The following CNTN6 variants were observed in gnomAD, a reference collection of about 807,000 sequenced individuals.
CNTN6 encodes contactin-6.
Under a neutral mutation model 122.8 loss-of-function variants are expected in CNTN6, and 137 were observed. The observed-to-expected ratio is 1.12, with a 90% CI of 0.97 to 1.29. The LOEUF (loss-of-function observed/expected upper bound fraction) is 1.29. Ranked by LOEUF, CNTN6 falls within the 50% of genes most tolerant of loss-of-function variation. The probability of loss-of-function intolerance (pLI) is 0.00; values close to 1 mark genes in which losing one functional copy is unlikely to be tolerated. For missense variants in CNTN6, 1,634 were observed against 1,223.4 expected (o/e 1.34, Z -5.01); for synonymous variants, 570 against 426.0 (o/e 1.34, Z -4.16).
chr3:1,311,769 C>G (rs1303131895), intron 7 of CNTN6, among the ~76,000 whole-genome samples: 1 of 151,646 alleles, frequency 6.6e-6, no homozygotes, highest in African/African-American at 2.4e-5. Flanking sequence ...TAGTATAATA[C>G]ACTGCATATT....
chr3:1,352,039 A>G (rs1705721964), intron 11 of CNTN6, among the ~76,000 whole-genome samples: 1 of 151,930 alleles, frequency 6.6e-6, no homozygotes. Context: ...ACATTATACT[A>G]CCAAGCACTG....
intron 1 of CNTN6, among the ~76,000 whole-genome samples, chr3:1,137,436 T>G (rs1259078929): frequency 6.6e-6 from 1 of 152,228 alleles, no homozygotes; most frequent in Non-Finnish European, 1.5e-5. Context: ...TCTGTTAGAC[T>G]ACCAGTTGAT....
chr3:1,172,401 C>G (rs1225180650), intron 2 of CNTN6, among the ~76,000 whole-genome samples: 1 of 152,170 alleles, frequency 6.6e-6, no homozygotes, highest in Non-Finnish European at 1.5e-5. Flanking sequence ...AAACACCTAC[C>G]ATGTGCCAGC....
rs781408378 is a variant in CNTN6, at chr3:1,383,324, C to G, written c.2433C>G (p.Leu811=). The G allele has an allele frequency of 1.2e-6, 2 of 1,613,978 alleles. No homozygotes were observed. Among genetic ancestry groups the G allele is most frequent in the South Asian group, 1.1e-5 (1 of 91,070 alleles). ...EPQLAPRGTS[L]QSFSASEMEV... ...AACTGGCCCCAAGGGGAACTTCTCT[C>G]CAGAGTTTTTCTGCTTCTGAAATGG... The change falls in exon 19 of 23, where the codon CTC becomes CTG. Residue 811 remains leucine (L), a synonymous_variant. Coordinates refer to ENST00000446702, the MANE Select transcript of CNTN6 (RefSeq NM_001289080.2).
At chr3:1,317,374 A>T (rs555553658) in intron 7 of CNTN6, among the ~76,000 whole-genome samples, 11 of 151,742 alleles carry the variant, frequency 7.2e-5, no homozygotes, top group South Asian at 2.1e-4. Context: ...TTCAGAATCT[A>T]TTTGTCAGGT....
intron 1 of CNTN6, among the ~76,000 whole-genome samples, chr3:1,102,815 A>G (rs1213900572): frequency 2.0e-5 from 3 of 149,542 alleles, no homozygotes; most frequent in Non-Finnish European, 4.5e-5. Flanking sequence ...TTTATACAAA[A>G]TTAATGTCCA....
At chr3:1,152,678 A>G (rs2092873566) in intron 2 of CNTN6, among the ~76,000 whole-genome samples, 2 of 152,200 alleles carry the variant, frequency 1.3e-5, no homozygotes, top group African/African-American at 4.8e-5. Context: ...TTTGAAAAAT[A>G]TTAGACAGAT....
rs141813098 is a variant in CNTN6, at chr3:1,266,400, G to T, written c.359-12013G>T. Among the ~76,000 whole-genome samples the T allele has an allele frequency of 9.1e-3, 1,384 of 152,230 alleles. 10 individuals are homozygous for T. The highest frequency in any genetic ancestry group is 0.014 in the Non-Finnish European group (981 of 68,014). ...GCAGTCACTCTCCCGAATTCCAGTTGTGGAAGTTCTTGCAAACCGAAACCA... is the reference window on the plus strand; with the variant it reads ...GCAGTCACTCTCCCGAATTCCAGTTTTGGAAGTTCTTGCAAACCGAAACCA... On this transcript the variant is annotated intron_variant, in intron 4 of 22. Transcript: ENST00000446702.
rs2090328730 is a variant in CNTN6, at chr3:1,093,107, G to A, written c.-96G>A. On this transcript the variant is annotated 5_prime_UTR_variant, in exon 1 of 23. Transcript: ENST00000446702. ...TCTGCAGAAAAACTGTAAAGATCCC[G>A]AGACATTTCCCTGGTAAGATCTGTA... is the stretch of plus-strand genomic sequence containing the variant. The A allele has an allele frequency of 6.9e-6, 2 of 291,034 alleles. No homozygotes were observed. Among genetic ancestry groups the A allele is most frequent in the Non-Finnish European group, 1.4e-5 (2 of 146,376 alleles). 18.0% of individuals were successfully genotyped at this position (291,034 alleles called of 1,614,324 possible). A position where few individuals can be genotyped will look rare whatever the true frequency, so the allele number is the denominator to read the frequency against.
At chr3:1,256,141 G>A (rs374064148) in intron 4 of CNTN6, among the ~76,000 whole-genome samples, 23 of 152,156 alleles carry the variant, frequency 1.5e-4, no homozygotes, top group African/African-American at 4.6e-4. Flanking sequence ...AAAGTGCTGC[G>A]ATTACAGGCA....
chr3:1,298,222 A>G, intron 7 of CNTN6: 2 of 441,234 alleles, frequency 4.5e-6, no homozygotes, highest in Non-Finnish European at 8.1e-6. Flanking sequence ...ACAGGTGCTG[A>G]TATTTCCTTA....
chr3:1,121,092 G>A (rs2091930780), intron 1 of CNTN6, among the ~76,000 whole-genome samples: 1 of 151,922 alleles, frequency 6.6e-6, no homozygotes, highest in South Asian at 2.1e-4. Context: ...AATTAATATA[G>A]CCAAGTCACT....
intron 20 of CNTN6, chr3:1,394,208 C>A: frequency 4.2e-6 from 1 of 237,632 alleles, no homozygotes; most frequent in Non-Finnish European, 8.4e-6. Flanking sequence ...TCTGCCTCAT[C>A]TCCGGAAGCT....
At chr3:1,344,660 T>G (rs1355542145) in intron 11 of CNTN6, among the ~76,000 whole-genome samples, 1 of 152,172 alleles carries the variant, frequency 6.6e-6, no homozygotes, top group Non-Finnish European at 1.5e-5. Flanking sequence ...GATTTGCAAA[T>G]TATAAACATT....
chr3:1,327,720 A>G (rs265775), intron 10 of CNTN6, 134 bp downstream of exon 10: 460,139 of 927,104 alleles, frequency 0.5, 122,896 homozygotes, highest in African/African-American at 0.88. Flanking sequence ...GTCTAAATTA[A>G]CTTTTTACAA....
chr3:1,127,324 T>G (rs1433503858), intron 1 of CNTN6, among the ~76,000 whole-genome samples: 1 of 151,846 alleles, frequency 6.6e-6, no homozygotes, highest in Non-Finnish European at 1.5e-5. Flanking sequence ...CCAATGACAG[T>G]ATTACATAAT....
intron 2 of CNTN6, among the ~76,000 whole-genome samples, chr3:1,214,902 C>T (rs756338442): frequency 6.6e-5 from 10 of 152,114 alleles, no homozygotes; most frequent in Non-Finnish European, 1.2e-4. Flanking sequence ...ACTACAAGCA[C>T]CCACCACTGC....
chr3:1,334,341 C>T (rs1431328252), intron 11 of CNTN6, among the ~76,000 whole-genome samples: 7 of 150,130 alleles, frequency 4.7e-5, no homozygotes, highest in Non-Finnish European at 8.8e-5. Flanking sequence ...TGATAAGTGG[C>T]GTGACTTGAG....
intron 2 of CNTN6, among the ~76,000 whole-genome samples, chr3:1,196,525 G>A (rs768891192): frequency 1.1e-4 from 16 of 152,110 alleles, no homozygotes; most frequent in Non-Finnish European, 2.1e-4. Context: ...GACTGGCAGA[G>A]GGAAGACAAT....
Sources: gnomAD v4.1 joint callset for allele counts (sites outside exome capture counted in the v4.1 genomes callset) on GRCh38, gnomAD v4.1.1 for gene constraint, MANE v1.5 for transcripts, NCBI Gene and HGNC (gene_info 2026-07-23, HGNC 2026-07-21) for gene names.